The following FCHO2 variants were observed in gnomAD, a reference collection of about 807,000 sequenced individuals.
FCHO2 encodes F-BAR domain only protein 2.
Under a neutral mutation model 114.1 loss-of-function variants are expected in FCHO2, and 43 were observed. The observed-to-expected ratio is 0.38, with a 90% CI of 0.30 to 0.49. FCHO2 has a LOEUF of 0.49. FCHO2 is among the 20% of genes least tolerant of loss of function. FCHO2 has a pLI of 0.97. For missense variants in FCHO2, 807 were observed against 950.4 expected (o/e 0.85, Z 1.98); for synonymous variants, 293 against 315.2 (o/e 0.93, Z 0.75).
At chr5:72,984,143 A>G (rs2112652301) in intron 2 of FCHO2, among the ~76,000 whole-genome samples, 1 of 152,138 alleles carries the variant, frequency 6.6e-6, no homozygotes, top group Admixed American at 6.5e-5. Context: ...GGGATGATAT[A>G]TTTTTCTTTT....
At chr5:72,998,550 A>G (rs373889415) in intron 5 of FCHO2, among the ~76,000 whole-genome samples, 2 of 151,996 alleles carry the variant, frequency 1.3e-5, no homozygotes, top group East Asian at 3.9e-4. Flanking sequence ...TATAACATTC[A>G]TGCCCAACAG....
chr5:72,979,077 G>A (rs1049304211), intron 2 of FCHO2, among the ~76,000 whole-genome samples: 4 of 152,066 alleles, frequency 2.6e-5, no homozygotes, highest in Non-Finnish European at 5.9e-5. Flanking sequence ...TTTCTTTTGT[G>A]TGTGTGTGTC....
chr5:73,070,387 A>G (rs746960179), intron 19 of FCHO2, among the ~76,000 whole-genome samples: 11 of 147,740 alleles, frequency 7.4e-5, no homozygotes, highest in Admixed American at 2.0e-4. Flanking sequence ...TTTTAATTTT[A>G]TATAAACTGA....
intron 2 of FCHO2, among the ~76,000 whole-genome samples, chr5:72,986,419 G>C (rs1753524904): frequency 6.6e-6 from 1 of 152,134 alleles, no homozygotes; most frequent in Non-Finnish European, 1.5e-5. Context: ...GTGAGGCTGA[G>C]AAAAGCTCTG....
chr5:73,024,178 G>C (rs1755788297), intron 8 of FCHO2, among the ~76,000 whole-genome samples: 1 of 152,032 alleles, frequency 6.6e-6, no homozygotes, highest in African/African-American at 2.4e-5. Flanking sequence ...TGCCACCTGA[G>C]CTTCCCAAGT....
chr5:73,032,478 G>A (rs1356432469), intron 8 of FCHO2, among the ~76,000 whole-genome samples: 1 of 152,074 alleles, frequency 6.6e-6, no homozygotes, highest in African/African-American at 2.4e-5. Flanking sequence ...AAAGAGTTTT[G>A]TGAGAACAAA....
rs1176177590 is a variant in FCHO2 at position 73,088,234 on chromosome 5, T to TTAAA, written c.*145_*146insAAAT. The TTAAA allele has an allele frequency of 9.9e-7, 1 of 1,008,234 alleles. No individual in the cohort carries two copies. The highest frequency in any genetic ancestry group is 1.6e-5 in the African/African-American group (1 of 62,034). The allele number at this position is 1,008,234 out of a possible 1,614,324, so 62.5% of individuals were successfully genotyped here. A position where few individuals can be genotyped will look rare whatever the true frequency, so the allele number is the denominator to read the frequency against. ...GCTGACTACAAACATTAAATCGCAC[T>TTAAA]TTTAAAGTGAGTCATTGAAATAAAT... On this transcript the variant is annotated 3_prime_UTR_variant, in exon 26 of 26. Coordinates refer to ENST00000430046, the MANE Select transcript of FCHO2 (RefSeq NM_138782.3).
chr5:73,035,254 CA>C (rs1561466037), intron 9 of FCHO2, among the ~76,000 whole-genome samples: 1 of 151,988 alleles, frequency 6.6e-6, no homozygotes, highest in Admixed American at 6.5e-5. Context: ...CCCATCTCTA[CA>C]AAAAAACTTT....
chr5:73,000,188 G>A (rs902974055), intron 5 of FCHO2, among the ~76,000 whole-genome samples: 6 of 151,932 alleles, frequency 3.9e-5, no homozygotes, highest in Admixed American at 1.3e-4. Flanking sequence ...AAAAAATTTT[G>A]CAGGCCAGGC....
At chr5:73,083,892 CAAAAAAA>C (rs765390330) in intron 24 of FCHO2, among the ~76,000 whole-genome samples, 6 of 79,296 alleles carry the variant, frequency 7.6e-5, no homozygotes, top group African/African-American at 2.9e-4. Context: ...GACTCTGTCT[CAAAAAAA>C]AAAAAAAAAA....
intron 9 of FCHO2, among the ~76,000 whole-genome samples, chr5:73,035,246 C>T (rs947916537): frequency 2.0e-4 from 30 of 152,112 alleles, no homozygotes; most frequent in Middle Eastern, 6.8e-3. Context: ...GTTGAGACCC[C>T]ATCTCTACAA....
intron 5 of FCHO2, among the ~76,000 whole-genome samples, chr5:73,005,701 ATCT>A (rs1172456223): frequency 6.6e-6 from 1 of 152,182 alleles, no homozygotes; most frequent in Non-Finnish European, 1.5e-5. Flanking sequence ...TCAAATGCCT[ATCT>A]TCTTATAATT....
chr5:72,961,455 A>G (rs1329778145), intron 1 of FCHO2, among the ~76,000 whole-genome samples: 2 of 152,180 alleles, frequency 1.3e-5, no homozygotes, highest in African/African-American at 4.8e-5. Context: ...CAAAATCTAT[A>G]TATCTGTATA....
chr5:72,963,848 GC>G (rs1752019016), intron 1 of FCHO2, among the ~76,000 whole-genome samples: 1 of 150,560 alleles, frequency 6.6e-6, no homozygotes. Context: ...ACCACACCTG[GC>G]CAGATAGGCT....
At chr5:73,058,895 T>C (rs1757722322) in intron 17 of FCHO2, among the ~76,000 whole-genome samples, 1 of 152,166 alleles carries the variant, frequency 6.6e-6, no homozygotes, top group Non-Finnish European at 1.5e-5. Context: ...TGAACATCCA[T>C]AGAAATAACA....
chr5:72,983,006 C>T (rs1442175588), intron 2 of FCHO2, among the ~76,000 whole-genome samples: 3 of 151,710 alleles, frequency 2.0e-5, no homozygotes, highest in East Asian at 3.9e-4. Context: ...CTCCGCTTCC[C>T]GGGTTCATGC....
At chr5:72,972,672 T>C (rs1317464195) in intron 2 of FCHO2, among the ~76,000 whole-genome samples, 2 of 152,304 alleles carry the variant, frequency 1.3e-5, no homozygotes, top group Non-Finnish European at 2.9e-5. Flanking sequence ...CTTCCTCTTT[T>C]CCTAGTTGAA....
chr5:73,027,596 G>C (rs986264698), intron 8 of FCHO2, among the ~76,000 whole-genome samples: 2 of 152,008 alleles, frequency 1.3e-5, no homozygotes, highest in South Asian at 2.1e-4. Flanking sequence ...AGTGGCCAAA[G>C]CTGGAATTAC....
chr5:73,039,351 A>G (rs918481442), intron 10 of FCHO2, among the ~76,000 whole-genome samples: 1 of 152,202 alleles, frequency 6.6e-6, no homozygotes, highest in Admixed American at 6.5e-5. Flanking sequence ...TACCCCAATG[A>G]CTGGAGTGTT....
Sources: gnomAD v4.1 joint callset for allele counts (sites outside exome capture counted in the v4.1 genomes callset) on GRCh38, gnomAD v4.1.1 for gene constraint, MANE v1.5 for transcripts, NCBI Gene and HGNC (gene_info 2026-07-23, HGNC 2026-07-21) for gene names.